Variants in LYST observed in about 807,000 individuals in gnomAD.
LYST encodes lysosomal trafficking regulator, also known as lysosomal-trafficking regulator.
In LYST, 192 loss-of-function variants were observed where a neutral mutation model predicts 413.6. The observed-to-expected ratio is 0.46, with a 90% CI of 0.41 to 0.52. LYST has a LOEUF of 0.52. LYST is among the 20% of genes least tolerant of loss of function. LYST has a pLI of 0.00. For synonymous variants in LYST, 1,525 were observed against 1,567.3 expected (o/e 0.97, Z 0.64); for missense variants, 3,815 against 4,499.9 (o/e 0.85, Z 4.35).
intron 1 of LYST, among the ~76,000 whole-genome samples, chr1:235,841,824 T>C (rs1677245888): frequency 6.6e-6 from 1 of 152,156 alleles, no homozygotes; most frequent in Non-Finnish European, 1.5e-5. Flanking sequence ...ACTGGCTCAA[T>C]TTTTTCATTC....
intron 8 of LYST, among the ~76,000 whole-genome samples, chr1:235,801,654 T>G (rs993988284): frequency 2.0e-5 from 3 of 152,214 alleles, no homozygotes; most frequent in Non-Finnish European, 4.4e-5. Context: ...AATTTCTACC[T>G]AGATCAGAAT....
At chr1:235,776,515 G>C (rs1669253211) in intron 17 of LYST, among the ~76,000 whole-genome samples, 1 of 152,126 alleles carries the variant, frequency 6.6e-6, no homozygotes, top group South Asian at 2.1e-4. Flanking sequence ...AAGTGAGACT[G>C]TTGGTGCTCC....
chr1:235,712,035 T>A (rs1476151020), intron 43 of LYST, 22 bp downstream of exon 43: 1 of 1,500,550 alleles, frequency 6.7e-7, no homozygotes, highest in South Asian at 1.3e-5. Context: ...AAATATAAAT[T>A]AAAAATAATT....
intron 10 of LYST, 24 bp from the exon 11 acceptor site, chr1:235,793,636 A>T (rs899999609): frequency 3.2e-6 from 4 of 1,257,792 alleles, no homozygotes; most frequent in Non-Finnish European, 4.7e-6. Context: ...AGAGGGAAAA[A>T]ATTAAAGCTA....
intron 17 of LYST, 33 bp from the exon 18 acceptor site, chr1:235,775,119 C>T (rs770379680): frequency 1.3e-6 from 2 of 1,548,006 alleles, no homozygotes; most frequent in African/African-American, 2.7e-5. Flanking sequence ...ATAGTTTTCT[C>T]CCAATTTGCT....
rs1412839232 is a variant in LYST at position 235,773,878 on chromosome 1, T to C, written c.5748A>G (p.Glu1916=). Residue 1916 remains glutamate, a synonymous_variant, in exon 19 of 53, where the codon GAA becomes GAG. Transcript: ENST00000389793. ...AIIQDVKLLE[E]LLLDWKIWSK... is the part of the protein sequence containing the mutation. ...TCCATATCTTCCAGTCAAGCAATAG[T>C]TCCTCTAACAGCTTAACATCTTGGA... is the stretch of plus-strand genomic sequence containing the variant. 1 of 1,612,158 alleles carries C rather than the reference T, an allele frequency of 6.2e-7. No individual in the cohort carries two copies. The highest frequency in any genetic ancestry group is 1.3e-5 in the African/African-American group (1 of 75,012).
chr1:235,735,935 T>C (rs1294923792), intron 31 of LYST: 1 of 152,116 alleles, frequency 6.6e-6, no homozygotes, highest in East Asian at 1.9e-4. Flanking sequence ...AAACGGTACA[T>C]GACTAAAAGA....
intron 20 of LYST, among the ~76,000 whole-genome samples, chr1:235,769,151 G>A (rs1668417266): frequency 6.6e-6 from 1 of 152,074 alleles, no homozygotes; most frequent in South Asian, 2.1e-4. Context: ...TATATGGAAA[G>A]GGCAGGGAAG....
intron 38 of LYST, among the ~76,000 whole-genome samples, chr1:235,726,840 C>T (rs570703278): frequency 1.3e-5 from 2 of 152,310 alleles, no homozygotes; most frequent in East Asian, 3.9e-4. Context: ...TGGAGTTAAA[C>T]ACAAATTGAG....
chr1:235,871,763 G>T (rs752813977), upstream of LYST, among the ~76,000 whole-genome samples: 5 of 152,106 alleles, frequency 3.3e-5, no homozygotes, highest in Non-Finnish European at 5.9e-5. Flanking sequence ...TCTGCAGCTC[G>T]CCCTGAATTC....
intron 45 of LYST, among the ~76,000 whole-genome samples, chr1:235,700,105 A>T (rs1358154116): frequency 4.6e-5 from 7 of 152,194 alleles, no homozygotes; most frequent in Non-Finnish European, 1.0e-4. Flanking sequence ...AATTAAAGAC[A>T]AATGTAAAAC....
chr1:235,809,719 G>A lies in LYST; in HGVS notation c.1099C>T (p.Leu367=). The change falls in exon 5 of 53, where the codon CTA becomes TTA. Residue 367 remains leucine, a synonymous_variant. Transcript: ENST00000389793. The surrounding 1 kb of genome is among the most constrained non-coding windows in gnomAD (Gnocchi z 4.0). ...GCAAAAGGGTCAGGCTGCTTTTCTA[G>A]GCATATTCTAATTTTTAAAGCTGCT... ...LRAALKIRIC[L]EKQPDPFAPR... 1 of 1,613,614 alleles carries A rather than the reference G, an allele frequency of 6.2e-7. No individual in the cohort carries two copies. The highest frequency in any genetic ancestry group is 8.5e-7 in the Non-Finnish European group (1 of 1,179,754).
At chr1:235,695,080 G>A (rs41421147) in intron 46 of LYST, among the ~76,000 whole-genome samples, 7,831 of 152,202 alleles carry the variant, frequency 0.051, 631 homozygotes, top group African/African-American at 0.17. Flanking sequence ...TCCTTGCTGG[G>A]TCTAGTGTTG....
intron 14 of LYST, 55 bp downstream of exon 14, chr1:235,787,145 T>C (rs1439818414): frequency 1.0e-5 from 14 of 1,355,346 alleles, no homozygotes; most frequent in African/African-American, 8.6e-5. Flanking sequence ...AATTGACTAA[T>C]GAAACATAAC....
At chr1:235,879,760 G>A (rs965532059) in intron 1 of LYST, among the ~76,000 whole-genome samples, 11 of 150,244 alleles carry the variant, frequency 7.3e-5, no homozygotes, top group South Asian at 2.1e-4. Context: ...TTTTTGAGAC[G>A]GAGTCTCGCT....
intron 31 of LYST, chr1:235,736,050 A>T (rs1249945321): frequency 3.3e-5 from 5 of 152,148 alleles, no homozygotes; most frequent in African/African-American, 1.2e-4. Context: ...ACTATCAGAA[A>T]TGTTTTTATT....
chr1:235,702,685 GC>G, intron 45 of LYST, 61 bp downstream of exon 45: 3 of 1,340,992 alleles, frequency 2.2e-6, no homozygotes, highest in Non-Finnish European at 3.2e-6. Context: ...CTGGGAGAGT[GC>G]CTGGCATCAC....
At chr1:235,783,404 T>A (rs1670070244) in intron 14 of LYST, among the ~76,000 whole-genome samples, 1 of 152,156 alleles carries the variant, frequency 6.6e-6, no homozygotes. Flanking sequence ...GTTTTAAATT[T>A]TTTATTTTAA....
chr1:235,678,711 C>A (rs1659576012), intron 48 of LYST, among the ~76,000 whole-genome samples: 1 of 152,100 alleles, frequency 6.6e-6, no homozygotes, highest in African/African-American at 2.4e-5. Context: ...AATTTGTGTA[C>A]TGTTCTACAT....
Sources: allele counts gnomAD v4.1 joint callset (sites outside exome capture counted in the v4.1 genomes callset), GRCh38; gene constraint gnomAD v4.1.1; non-coding constraint Gnocchi (gnomAD v3.1); transcripts MANE v1.5; gene names NCBI Gene and HGNC (gene_info 2026-07-23, HGNC 2026-07-21).